Variants in PRTG observed in about 807,000 individuals in gnomAD.
PRTG encodes the protein immunoglobulin superfamily, DCC subclass, member 5.
In PRTG, 67 loss-of-function variants were observed where a neutral mutation model predicts 122.5. The observed-to-expected ratio is 0.55, with a 90% CI of 0.45 to 0.67. The LOEUF is 0.67. PRTG is among the 30% of genes least tolerant of loss of function. The pLI is 0.00. For synonymous variants in PRTG, 554 were observed against 501.1 expected (o/e 1.11, Z -1.41); for missense variants, 1,435 against 1,415.4 (o/e 1.01, Z -0.22).
intron 2 of PRTG, among the ~76,000 whole-genome samples, chr15:55,702,386 T>A (rs1167223800): frequency 6.6e-6 from 1 of 152,126 alleles, no homozygotes; most frequent in Non-Finnish European, 1.5e-5. Flanking sequence ...GAGTCTTTTA[T>A]CTTTTTATTT....
At chr15:55,699,277 T>C (rs2059649061) in intron 2 of PRTG, among the ~76,000 whole-genome samples, 1 of 152,146 alleles carries the variant, frequency 6.6e-6, no homozygotes, top group South Asian at 2.1e-4. Flanking sequence ...TAATGGCTTT[T>C]TTTTGGTATT....
At chr15:55,648,717 T>G (rs951671157) in intron 11 of PRTG, among the ~76,000 whole-genome samples, 3 of 152,174 alleles carry the variant, frequency 2.0e-5, no homozygotes, top group African/African-American at 4.8e-5. Context: ...TTTCACCAAA[T>G]GAAAGTCCTG....
At chr15:55,663,537 TTC>T (rs1189065713) in intron 11 of PRTG, among the ~76,000 whole-genome samples, 1 of 151,224 alleles carries the variant, frequency 6.6e-6, no homozygotes, top group Admixed American at 6.6e-5. Flanking sequence ...ATCTTTTCTT[TTC>T]TTTTTTTTTT....
chr15:55,666,368 C>T (rs760091444), intron 11 of PRTG, among the ~76,000 whole-genome samples: 4 of 152,196 alleles, frequency 2.6e-5, no homozygotes, highest in Non-Finnish European at 5.9e-5. Flanking sequence ...AACAGAGTCA[C>T]ATTTAGGGTG....
In PRTG at chr15:55,742,580, G is replaced by C. The variant is rs1231242568; in HGVS notation, c.94+258C>G. Reference sequence around the variant, plus strand: ...CGGCCGCCAGAACTCCGCAGCCACGGGCGCGCGGCGCGGAGGGGCGTGCGC... The same window carrying C: ...CGGCCGCCAGAACTCCGCAGCCACGCGCGCGCGGCGCGGAGGGGCGTGCGC... On this transcript the variant is annotated intron_variant, in intron 1 of 19. Transcript: ENST00000389286. The C allele has an allele frequency of 1.1e-5, 5 of 461,438 alleles. No homozygotes were observed. The East Asian group carries it at 1.9e-4, about 17-fold the overall frequency. The allele number at this position is 461,438 out of a possible 1,614,324, so 28.6% of individuals were successfully genotyped here. A position where few individuals can be genotyped will look rare whatever the true frequency, so the allele number is the denominator to read the frequency against.
At chr15:55,629,025 A>C in intron 15 of PRTG, 21 bp from the exon 16 acceptor site, 2 of 1,520,408 alleles carry the variant, frequency 1.3e-6, no homozygotes, top group Non-Finnish European at 1.8e-6. Flanking sequence ...ATCAATTACA[A>C]ATTAAGTGAA....
intron 2 of PRTG, among the ~76,000 whole-genome samples, chr15:55,707,926 G>A (rs1302345730): frequency 6.6e-6 from 1 of 152,098 alleles, no homozygotes; most frequent in Non-Finnish European, 1.5e-5. Flanking sequence ...GCTTAATAGA[G>A]ACCCTGAGTT....
At chr15:55,671,751 T>C (rs1003123142) in intron 11 of PRTG, among the ~76,000 whole-genome samples, 2 of 152,308 alleles carry the variant, frequency 1.3e-5, no homozygotes, top group East Asian at 3.9e-4. Context: ...TCCACCCGCG[T>C]TGGCCTCCCA....
rs2059350162 is a variant in PRTG, at chr15:55,650,942, G to A, written c.2042-9734C>T. On this transcript the variant is annotated intron_variant, in intron 11 of 19. Coordinates refer to ENST00000389286, the MANE Select transcript of PRTG (RefSeq NM_173814.6). ...TGATCCCACCACTGCACTCCAGCCT[G>A]GGTGACAGAGTGAGACTCAGTCTCA... 2.0e-5 allele frequency among the ~76,000 whole-genome samples: 3 copies of A among 152,230 alleles called. No individual in the cohort carries two copies. In the South Asian group the frequency reaches 6.2e-4, roughly 32 times the overall value.
intron 2 of PRTG, among the ~76,000 whole-genome samples, chr15:55,716,955 T>G (rs2030622841): frequency 6.6e-6 from 1 of 152,228 alleles, no homozygotes; most frequent in African/African-American, 2.4e-5. Flanking sequence ...GGAATTCATG[T>G]CGAGGAACAT....
chr15:55,624,237 T>C (rs2059181894), intron 18 of PRTG, 105 bp downstream of exon 18: 2 of 911,806 alleles, frequency 2.2e-6, no homozygotes, highest in Admixed American at 2.4e-5. Flanking sequence ...AATAAGAGTA[T>C]TGGTATAATA....
chr15:55,687,291 T>A (rs1249799861), intron 2 of PRTG, among the ~76,000 whole-genome samples: 1 of 152,094 alleles, frequency 6.6e-6, no homozygotes, highest in African/African-American at 2.4e-5. Context: ...TTACTGGCAT[T>A]TTTTTTAGAG....
chr15:55,640,297 T>C (rs1407422794), intron 12 of PRTG, among the ~76,000 whole-genome samples: 2 of 152,256 alleles, frequency 1.3e-5, no homozygotes, highest in Admixed American at 6.5e-5. Flanking sequence ...GGTTGCTCTA[T>C]GAGATTGTAA....
chr15:55,713,807 T>G (rs1164287941), intron 2 of PRTG, among the ~76,000 whole-genome samples: 7 of 152,188 alleles, frequency 4.6e-5, no homozygotes, highest in African/African-American at 1.7e-4. Flanking sequence ...ACTAATCCTT[T>G]GTCATTTAGA....
rs890302381 is a variant in PRTG, at chr15:55,683,923, C to T, written c.406G>A (p.Ala136Thr). The T allele has an allele frequency of 6.2e-6, 10 of 1,612,428 alleles. No homozygotes were observed. The African/African-American group carries it at 1.3e-4, about 22-fold the overall frequency. ...KAHLALSTISAFEVQPISTEV... is the reference protein window; with the variant it reads ...KAHLALSTISTFEVQPISTEV... The stretch of plus-strand genomic sequence containing the variant: ...GTGGAAATTGGCTGGACTTCAAATG[C>T]AGAAATAGCTATAAGATAAAGTTTG... Residue 136 changes from alanine to threonine, a missense_variant, in exon 3 of 20, where the codon GCA (alanine) becomes ACA (threonine). Coordinates refer to ENST00000389286, the MANE Select transcript of PRTG (RefSeq NM_173814.6).
chr15:55,692,999 G>A (rs1308236072), intron 2 of PRTG, among the ~76,000 whole-genome samples: 3 of 151,320 alleles, frequency 2.0e-5, no homozygotes, highest in Non-Finnish European at 4.4e-5. Flanking sequence ...TGCCACCACG[G>A]CCAGCTAATT....
At chr15:55,688,502 C>T (rs2059582823) in intron 2 of PRTG, among the ~76,000 whole-genome samples, 1 of 152,158 alleles carries the variant, frequency 6.6e-6, no homozygotes, top group South Asian at 2.1e-4. Flanking sequence ...TCGTACTCAT[C>T]GCTCCAACTG....
In PRTG at chr15:55,673,378, G is replaced by GC. The variant is rs772977868; in HGVS notation, c.1844dup (p.Ser615ArgfsTer6). On this transcript the variant is annotated frameshift_variant, in exon 10 of 20. Coordinates refer to ENST00000389286, the MANE Select transcript of PRTG (RefSeq NM_173814.6). LOFTEE classifies it high-confidence loss of function. ...CAGTCTTCAGAAATTCACCTTTCACGCTTGTAGCTTTGGGCGTCCTATGTG... is the reference window on the plus strand; with the variant it reads ...CAGTCTTCAGAAATTCACCTTTCACGCCTTGTAGCTTTGGGCGTCCTATGTG... 6.2e-7 allele frequency: 1 copy of GC among 1,610,000 alleles called. No homozygotes were observed. Among genetic ancestry groups the GC allele is most frequent in the Non-Finnish European group, 8.5e-7 (1 of 1,176,678 alleles).
At chr15:55,682,845 G>C (rs921273271) in intron 3 of PRTG, among the ~76,000 whole-genome samples, 5 of 152,100 alleles carry the variant, frequency 3.3e-5, no homozygotes, top group African/African-American at 1.2e-4. Flanking sequence ...TTACAGGTGT[G>C]AGCCACCGTG....
Sources: gnomAD v4.1 joint callset for allele counts (sites outside exome capture counted in the v4.1 genomes callset) on GRCh38, gnomAD v4.1.1 for gene constraint, MANE v1.5 for transcripts, NCBI Gene and HGNC (gene_info 2026-07-23, HGNC 2026-07-21) for gene names.